Variants in MYO1C observed in about 807,000 individuals in gnomAD.
MYO1C encodes unconventional myosin-Ic.
Under a neutral mutation model 150.8 loss-of-function variants are expected in MYO1C, and 104 were observed. That is an observed-to-expected ratio of 0.69 (90% CI 0.59 to 0.81). MYO1C has a LOEUF of 0.81. MYO1C is among the 30% of genes least tolerant of loss of function. MYO1C has a pLI of 0.00. For synonymous variants in MYO1C, 663 were observed against 579.9 expected (o/e 1.14, Z -2.06); for missense variants, 1,504 against 1,435.0 (o/e 1.05, Z -0.78).
intron 1 of MYO1C, among the ~76,000 whole-genome samples, chr17:1,489,677 TCAAA>T (rs548840097): frequency 3.3e-5 from 5 of 151,498 alleles, no homozygotes; most frequent in Non-Finnish European, 2.9e-5. Flanking sequence ...AGACCCAGTG[TCAAA>T]CAAACAAAGA....
intron 14 of MYO1C, chr17:1,477,180 CTT>C (rs547771852): frequency 4.0e-3 from 866 of 214,964 alleles, no homozygotes; most frequent in East Asian, 5.5e-3. Context: ...ATTTTTTTCC[CTT>C]TTTTTTTTTT....
At chr17:1,472,630 C>T (rs576014647) in intron 17 of MYO1C, among the ~76,000 whole-genome samples, 62 of 152,308 alleles carry the variant, frequency 4.1e-4, no homozygotes, top group African/African-American at 1.4e-3. Flanking sequence ...TCAGGCCTGG[C>T]GGAGGAGCAC....
In MYO1C at chr17:1,479,976, T is replaced by C. The variant is rs1385962324; in HGVS notation, c.907-271A>G. The stretch of plus-strand genomic sequence containing the variant: ...GCCCAGCCAACATGGCAAAACCCCA[T>C]CATTATTAAAAATACAAAAATTAGC... On this transcript the variant is annotated intron_variant, in intron 7 of 31. Transcript: ENST00000648651. The surrounding 1 kb of genome is among the most constrained non-coding windows in gnomAD (Gnocchi z 4.2). Among the ~76,000 whole-genome samples, 3 of 150,830 alleles carry C rather than the reference T, an allele frequency of 2.0e-5. No homozygotes were observed. The highest frequency in any genetic ancestry group is 7.3e-5 in the African/African-American group (3 of 40,904).
rs200518840 is a variant in MYO1C at position 1,465,772 on chromosome 17, C to T, written c.3166-20G>A. ...GGCGACCTGTGGGGGCGGAGAGAGA[C>T]GGCCAAGTGGTGAGGGGAGCAGACG... On this transcript the variant is annotated intron_variant, in intron 31 of 31. Coordinates refer to ENST00000648651, the MANE Select transcript of MYO1C (RefSeq NM_001080779.2). The T allele has an allele frequency of 3.3e-5, 43 of 1,318,360 alleles. No individual in the cohort carries two copies. Among genetic ancestry groups the T allele is most frequent in the South Asian group, 5.9e-5 (2 of 34,132 alleles). The allele number at this position is 1,318,360 out of a possible 1,614,324, so 81.7% of individuals were successfully genotyped here.
Position 1,474,679 on chromosome 17 carries a change from G to A in MYO1C, c.1728C>T (p.Ser576=). The A allele has an allele frequency of 6.2e-7, 1 of 1,614,028 alleles. No homozygotes were observed. Among genetic ancestry groups the A allele is most frequent in the Non-Finnish European group, 8.5e-7 (1 of 1,179,922 alleles). The change falls in exon 17 of 32, where the codon AGC becomes AGT. Residue 576 remains serine, a synonymous_variant. Coordinates refer to ENST00000648651, the MANE Select transcript of MYO1C (RefSeq NM_001080779.2). ...ACTGGCTCATAATGGGATTCTTTGAGCTACACATGGTCTGTGTGGGCAGAG... is the reference window on the plus strand; with the variant it reads ...ACTGGCTCATAATGGGATTCTTTGAACTACACATGGTCTGTGTGGGCAGAG... ...LFRNLKETMC[S]SKNPIMSQCF... is the part of the protein sequence containing the mutation.
intron 1 of MYO1C, chr17:1,491,653 G>A (rs554603135): frequency 3.1e-6 from 3 of 980,720 alleles, no homozygotes; most frequent in East Asian, 2.3e-4. Context: ...TGGCGGGCTT[G>A]GGGATCCGCG....
rs2074478933 is a variant in MYO1C at position 1,479,774 on chromosome 17, A to G, written c.907-69T>C. 1.8e-6 allele frequency: 2 copies of G among 1,094,170 alleles called. No homozygotes were observed. Among genetic ancestry groups the G allele is most frequent in the African/African-American group, 1.5e-5 (1 of 64,700 alleles). The allele number at this position is 1,094,170 out of a possible 1,614,324, so 67.8% of individuals were successfully genotyped here. A position where few individuals can be genotyped will look rare whatever the true frequency, so the allele number is the denominator to read the frequency against. ...AGAGCCCCAAGAGGGCAACTAGCAG[A>G]TGGCCATGCAGGGGTGGGTGGTGAA... On this transcript the variant is annotated intron_variant, in intron 7 of 31. Coordinates refer to ENST00000648651, the MANE Select transcript of MYO1C (RefSeq NM_001080779.2). This position sits in a 1 kb window ranked among gnomAD's most constrained non-coding sequence, Gnocchi z 4.2.
At position 1,479,615 on chromosome 17, in the gene MYO1C, T is replaced by A. The variant is rs761847050; in HGVS notation, c.997A>T (p.Asn333Tyr). ...EESNAQVTTE[N>Y]QLKYLTRLLS... ...ACCCTGGTCAGATACTTGAGCTGGT[T>A]CTCGGTGGTGACCTGGGCATTGCTC... The change falls in exon 8 of 32, where the codon AAC (asparagine) becomes TAC (tyrosine). Residue 333 changes from asparagine (N) to tyrosine (Y), a missense_variant. Coordinates refer to ENST00000648651, the MANE Select transcript of MYO1C (RefSeq NM_001080779.2). This position sits in a 1 kb window ranked among gnomAD's most constrained non-coding sequence, Gnocchi z 4.2. The A allele has an allele frequency of 6.2e-7, 1 of 1,613,414 alleles. No homozygotes were observed. The highest frequency in any genetic ancestry group is 2.2e-5 in the East Asian group (1 of 44,856).
At chr17:1,489,333 A>G (rs1050472876) in intron 1 of MYO1C, among the ~76,000 whole-genome samples, 1 of 152,220 alleles carries the variant, frequency 6.6e-6, no homozygotes, top group African/African-American at 2.4e-5. Flanking sequence ...CTACACAACC[A>G]TGGATCTTTG....
chr17:1,484,282 G>C lies in MYO1C; in HGVS notation c.97C>G (p.Arg33Gly), dbSNP rs767997586. ...CKLALGSDGV[R>G]VTMESALTAR... ...GTGAGCGCACTCTCCATGGTCACCCGAACCCCGTCACTGCCCAGGGCCTGC... is the reference window on the plus strand; with the variant it reads ...GTGAGCGCACTCTCCATGGTCACCCCAACCCCGTCACTGCCCAGGGCCTGC... Residue 33 changes from arginine to glycine, a missense_variant, in exon 2 of 32, where the codon CGG (arginine) becomes GGG (glycine). Arg to Gly is a moderately radical substitution (Grantham distance 125, BLOSUM62 -2). Coordinates refer to ENST00000648651, the MANE Select transcript of MYO1C (RefSeq NM_001080779.2). The C allele has an allele frequency of 6.2e-7, 1 of 1,610,906 alleles. No homozygotes were observed. Among genetic ancestry groups the C allele is most frequent in the African/African-American group, 1.3e-5 (1 of 74,932 alleles).
chr17:1,492,628 A>G lies in MYO1C; in HGVS notation c.-141T>C, dbSNP rs2074748848. On this transcript the variant is annotated 5_prime_UTR_variant, in exon 1 of 32. Transcript: ENST00000648651. Reference sequence around the variant, plus strand: ...GGCCACTTGGTTCTGCTTCAACTGCAGCCCCAGGGGATGTGGCTGGTCCAG... The same window carrying G: ...GGCCACTTGGTTCTGCTTCAACTGCGGCCCCAGGGGATGTGGCTGGTCCAG... 3.9e-6 allele frequency: 3 copies of G among 769,034 alleles called. No homozygotes were observed. The highest frequency in any genetic ancestry group is 4.4e-6 in the Non-Finnish European group (2 of 451,410). The allele number at this position is 769,034 out of a possible 1,614,324, so 47.6% of individuals were successfully genotyped here.
rs549903700 is a variant in MYO1C at position 1,469,001 on chromosome 17, G to A, written c.2611-505C>T. On this transcript the variant is annotated intron_variant, in intron 25 of 31. Coordinates refer to ENST00000648651, the MANE Select transcript of MYO1C (RefSeq NM_001080779.2). Reference sequence around the variant, plus strand: ...TACCAATCAAGGGCAGTTGGCCCACGATATGAACCCTACTGGCCACCCCAG... The same window carrying A: ...TACCAATCAAGGGCAGTTGGCCCACAATATGAACCCTACTGGCCACCCCAG... The A allele has an allele frequency of 1.4e-5, 4 of 280,884 alleles. No homozygotes were observed. The Admixed American group carries it at 2.0e-4, about 14-fold the overall frequency. 17.4% of individuals were successfully genotyped at this position (280,884 alleles called of 1,614,324 possible).
At chr17:1,476,916 G>A (rs1468733095) in intron 14 of MYO1C, among the ~76,000 whole-genome samples, 1 of 151,646 alleles carries the variant, frequency 6.6e-6, no homozygotes, top group African/African-American at 2.4e-5. Flanking sequence ...TCGGCTCACT[G>A]CAACCTGCAC....
chr17:1,475,137 C>T (rs1228433943), intron 14 of MYO1C, 105 bp from the exon 15 acceptor site: 10 of 1,153,962 alleles, frequency 8.7e-6, no homozygotes, highest in Non-Finnish European at 1.3e-5. Flanking sequence ...AGGTGCACCC[C>T]AGGCCGGGCA....
rs2074441017 is a variant in MYO1C at position 1,478,232 on chromosome 17, A to G, written c.1296-40T>C. On this transcript the variant is annotated intron_variant, in intron 11 of 31. Coordinates refer to ENST00000648651, the MANE Select transcript of MYO1C (RefSeq NM_001080779.2). This position sits in a 1 kb window ranked among gnomAD's most constrained non-coding sequence, Gnocchi z 6.3. Reference sequence around the variant, plus strand: ...AAGAGCCCACAGTGGCTCAGTGGGGACACAGGACCAGGAGAGGGGAAAAGC... The same window carrying G: ...AAGAGCCCACAGTGGCTCAGTGGGGGCACAGGACCAGGAGAGGGGAAAAGC... 6.3e-7 allele frequency: 1 copy of G among 1,593,624 alleles called. No homozygotes were observed. Among genetic ancestry groups the G allele is most frequent in the African/African-American group, 1.3e-5 (1 of 74,500 alleles).
At chr17:1,486,667 C>T (rs1229232420) in intron 1 of MYO1C, among the ~76,000 whole-genome samples, 1 of 152,212 alleles carries the variant, frequency 6.6e-6, no homozygotes, top group East Asian at 1.9e-4. Context: ...AGGCGTGCGC[C>T]ACCACACTCG....
At chr17:1,472,428 A>C in intron 17 of MYO1C, 200 bp from the exon 18 acceptor site, 1 of 590,076 alleles carries the variant, frequency 1.7e-6, no homozygotes, top group Non-Finnish European at 3.0e-6. Context: ...TGGGCGAGAG[A>C]CCTCAGTCTA....
At chr17:1,467,741 C>T in intron 29 of MYO1C, 99 bp downstream of exon 29, 2 of 631,248 alleles carry the variant, frequency 3.2e-6, no homozygotes, top group Non-Finnish European at 5.4e-6. Flanking sequence ...ACCCTCCCAC[C>T]TCCCCATCCA....
At chr17:1,485,462 G>T (rs915992063) in intron 1 of MYO1C, 1 of 691,694 alleles carries the variant, frequency 1.4e-6, no homozygotes, top group African/African-American at 1.9e-5. Flanking sequence ...TCGCCCTCGG[G>T]TCAGGGGTCT....
Sources: allele counts gnomAD v4.1 joint callset (sites outside exome capture counted in the v4.1 genomes callset), GRCh38; gene constraint gnomAD v4.1.1; non-coding constraint Gnocchi (gnomAD v3.1); transcripts MANE v1.5; gene names NCBI Gene and HGNC (gene_info 2026-07-23, HGNC 2026-07-21).